The following DNAH3 variants were observed in gnomAD, a reference collection of about 807,000 sequenced individuals.
The protein encoded by DNAH3 is dynein axonemal heavy chain 3, also known as axonemal beta dynein heavy chain 3.
A neutral mutation model predicts 432.5 loss-of-function variants in DNAH3; 332 were observed. The observed-to-expected ratio is 0.77, with a 90% CI of 0.70 to 0.84. The LOEUF (loss-of-function observed/expected upper bound fraction) is 0.84. Among genes scored for constraint, DNAH3 ranks in the 40% least tolerant of loss-of-function variants. The pLI is 0.00. For missense variants in DNAH3, 4,861 were observed against 5,114.0 expected, an observed-to-expected ratio of 0.95 and a Z score of 1.51; for synonymous variants, 1,956 against 1,900.2, an observed-to-expected ratio of 1.03 and a Z score of -0.76.
chr16:21,087,728 T>C (rs1389396728), intron 18 of DNAH3, among the ~76,000 whole-genome samples: 1 of 151,974 alleles, frequency 6.6e-6, no homozygotes, highest in Non-Finnish European at 1.5e-5. Flanking sequence ...TTAAACCTCA[T>C]TTCCACTGAA....
Position 20,958,493 on chromosome 16 carries a change from T to G in DNAH3, c.10826+686A>C, listed in dbSNP as rs138773070. Reference sequence around the variant, plus strand: ...AACTTTTCATGGCATATACCAGAGCTGTAAGATAACTTCTCAGGATTTCCT... The same window carrying G: ...AACTTTTCATGGCATATACCAGAGCGGTAAGATAACTTCTCAGGATTTCCT... On this transcript the variant is annotated intron_variant, in intron 54 of 61. Coordinates refer to ENST00000261383, the Ensembl canonical transcript of DNAH3. 3.2e-3 allele frequency among the ~76,000 whole-genome samples: 492 copies of G among 152,336 alleles called. 2 individuals carry two copies. Among genetic ancestry groups the G allele is most frequent in the Admixed American group, 5.0e-3 (76 of 15,290 alleles).
chr16:21,109,488 A>G (rs1441927768), intron 14 of DNAH3, among the ~76,000 whole-genome samples: 1 of 152,166 alleles, frequency 6.6e-6, no homozygotes, highest in Non-Finnish European at 1.5e-5. Flanking sequence ...TGATTTTCTG[A>G]TATGTATTTT....
intron 41 of DNAH3, among the ~76,000 whole-genome samples, chr16:21,007,211 C>T: frequency 6.7e-6 from 1 of 149,642 alleles, no homozygotes; most frequent in Non-Finnish European, 1.5e-5. Flanking sequence ...ATTTGTATAT[C>T]CTTTTTTTTT....
intron 21 of DNAH3, among the ~76,000 whole-genome samples, chr16:21,072,153 G>T: frequency 6.6e-6 from 1 of 151,676 alleles, no homozygotes; most frequent in East Asian, 1.9e-4. Context: ...TTGGCCTAAG[G>T]GCACTGTGAA....
At chr16:20,983,552 C>T (rs1442411216) in intron 48 of DNAH3, among the ~76,000 whole-genome samples, 1 of 152,084 alleles carries the variant, frequency 6.6e-6, no homozygotes, top group Non-Finnish European at 1.5e-5. Flanking sequence ...GGGAGCCATA[C>T]ACTGTTATTT....
chr16:21,069,299 G>C, intron 23 of DNAH3, 116 bp downstream of exon 23: 1 of 916,266 alleles, frequency 1.1e-6, no homozygotes, highest in Non-Finnish European at 1.7e-6. Context: ...GATATAAAAA[G>C]ATTGATTTTC....
Position 21,081,843 on chromosome 16 carries a change from AGTGGCAG to A in DNAH3, c.2878-123_2878-117del, listed in dbSNP as rs1255473779. 2.5e-5 allele frequency: 18 copies of A among 713,478 alleles called. No homozygotes were observed. In the African/African-American group the frequency reaches 2.9e-4, roughly 11 times the overall value. 44.2% of individuals were successfully genotyped at this position (713,478 alleles called of 1,614,324 possible). The stretch of plus-strand genomic sequence containing the variant: ...TGCACTGCTCAGCATAACAGCCACG[AGTGGCAG>A]GTGGCTGTTGAGCACCAGAGATGTG... On this transcript the variant is annotated intron_variant, in intron 19 of 61. Transcript: ENST00000261383.
intron 52 of DNAH3, among the ~76,000 whole-genome samples, chr16:20,967,572 G>A (rs1200223875): frequency 7.2e-6 from 1 of 138,772 alleles, no homozygotes; most frequent in Non-Finnish European, 1.5e-5. Context: ...GCGTGGTCTC[G>A]GCTCACTGCA....
intron 19 of DNAH3, among the ~76,000 whole-genome samples, chr16:21,085,028 G>A (rs1243921282): frequency 6.6e-6 from 1 of 150,704 alleles, no homozygotes; most frequent in Non-Finnish European, 1.5e-5. Context: ...GGCACCCCGT[G>A]AGCACCAGCT....
chr16:21,087,100 G>T, intron 18 of DNAH3, 40 bp from the exon 19 acceptor site: 1 of 1,533,024 alleles, frequency 6.5e-7, no homozygotes, highest in Non-Finnish European at 9.0e-7. Context: ...ACCATCATGT[G>T]GATGTTAGTC....
intron 15 of DNAH3, among the ~76,000 whole-genome samples, chr16:21,106,210 T>C (rs1327128511): frequency 1.4e-5 from 2 of 141,496 alleles, no homozygotes; most frequent in African/African-American, 5.3e-5. Context: ...GAACTGGAGG[T>C]CAAGTGTCTA....
intron 10 of DNAH3, chr16:21,120,857 G>A: frequency 6.2e-7 from 1 of 1,607,854 alleles, no homozygotes; most frequent in Non-Finnish European, 8.5e-7. Context: ...TATTTCAGCT[G>A]TCCCCATACA....
intron 12 of DNAH3, among the ~76,000 whole-genome samples, chr16:21,113,368 C>A (rs1567812712): frequency 6.6e-6 from 1 of 152,330 alleles, no homozygotes; most frequent in East Asian, 1.9e-4. Context: ...CTTCTGGCAA[C>A]ACCTACACAA....
chr16:21,140,372 A>G (rs1477463110), intron 5 of DNAH3, 164 bp downstream of exon 6: 1 of 635,784 alleles, frequency 1.6e-6, no homozygotes, highest in Non-Finnish European at 2.7e-6. Flanking sequence ...CACTCGCACA[A>G]GCACACAAAC....
intron 4 of DNAH3, 151 bp downstream of exon 5, chr16:21,141,149 A>ATT: frequency 8.9e-6 from 5 of 558,676 alleles, no homozygotes; most frequent in South Asian, 2.6e-5. Context: ...AAAAAAAAAA[A>ATT]TTTTTTTTTT....
rs182804535 is a variant in DNAH3 at position 21,103,026 on chromosome 16, C to T, written c.2366+1445G>A. ...GATTACAGGCATGAGCCACTATGCC[C>T]GGCCAGGAGACTATTATTCTAGGTG... is the stretch of plus-strand genomic sequence containing the variant. On this transcript the variant is annotated intron_variant, in intron 16 of 61. Transcript: ENST00000261383. Among the ~76,000 whole-genome samples, 1,092 of 151,998 alleles carry T rather than the reference C, an allele frequency of 7.2e-3. 15 individuals carry two copies. Among genetic ancestry groups the T allele is most frequent in the African/African-American group, 0.025 (1,027 of 41,442 alleles).
intron 58 of DNAH3, among the ~76,000 whole-genome samples, chr16:20,941,795 C>T (rs894434332): frequency 1.1e-4 from 17 of 152,120 alleles, no homozygotes; most frequent in Non-Finnish European, 7.4e-5. Flanking sequence ...CGGTGGCTCA[C>T]GCCTGTAATC....
At chr16:21,112,064 A>G (rs760242024) in exon 13 of DNAH3, 16 of 1,613,418 alleles carry the variant, frequency 9.9e-6, no homozygotes, top group Admixed American at 1.7e-5. Context: ...GTGTTATCCA[A>G]TAAGTCAACA....
exon 48 of DNAH3, chr16:20,985,283 T>C: frequency 1.2e-6 from 2 of 1,614,206 alleles, no homozygotes; most frequent in Non-Finnish European, 8.5e-7. Context: ...AGGAACACGG[T>C]GCTCTTGGTG....
Sources: gnomAD v4.1 joint callset for allele counts (sites outside exome capture counted in the v4.1 genomes callset) on GRCh38, gnomAD v4.1.1 for gene constraint, MANE v1.5 for transcripts, NCBI Gene and HGNC (gene_info 2026-07-23, HGNC 2026-07-21) for gene names.